The following GABRB1 variants were observed in gnomAD, a reference collection of about 807,000 sequenced individuals.
GABRB1 encodes gamma-aminobutyric acid receptor subunit beta-1.
Under a neutral mutation model 51.6 loss-of-function variants are expected in GABRB1, and 17 were observed. The observed-to-expected ratio is 0.33, with a 90% CI of 0.23 to 0.49. The LOEUF (loss-of-function observed/expected upper bound fraction) is 0.49. GABRB1 is among the 20% of genes least tolerant of loss of function. GABRB1 has a pLI of 0.99. For missense variants in GABRB1, 410 were observed against 600.6 expected, an observed-to-expected ratio of 0.68 and a Z score of 3.32; for synonymous variants, 247 against 218.9, an observed-to-expected ratio of 1.13 and a Z score of -1.14.
At chr4:47,171,191 CA>C (rs568951547) in intron 4 of GABRB1, among the ~76,000 whole-genome samples, 6 of 148,888 alleles carry the variant, frequency 4.0e-5, no homozygotes, top group Non-Finnish European at 7.4e-5. Context: ...AAACAGTAAC[CA>C]AAAAAATAAG....
At chr4:47,368,894 G>A (rs1270986673) in intron 5 of GABRB1, among the ~76,000 whole-genome samples, 2 of 152,082 alleles carry the variant, frequency 1.3e-5, no homozygotes, top group Non-Finnish European at 2.9e-5. Context: ...GATCTCTTGA[G>A]GTCAGGAGTT....
chr4:47,006,741 T>C (rs890883848), intron 1 of GABRB1, among the ~76,000 whole-genome samples: 8 of 152,314 alleles, frequency 5.3e-5, no homozygotes, highest in African/African-American at 1.9e-4. Flanking sequence ...ACAAGTGAGA[T>C]TAAGTGAGAC....
chr4:47,078,990 G>A (rs942144066), intron 3 of GABRB1, among the ~76,000 whole-genome samples: 9 of 152,180 alleles, frequency 5.9e-5, no homozygotes, highest in African/African-American at 2.2e-4. Flanking sequence ...TAAGCTTTTT[G>A]ATGTGCTGCT....
At chr4:47,406,644 T>C (rs1728579016) in intron 7 of GABRB1, 38 bp from the exon 8 acceptor site, 2 of 1,611,996 alleles carry the variant, frequency 1.2e-6, no homozygotes, top group African/African-American at 1.3e-5. Context: ...AACTTAATAG[T>C]GGCACCTTCA....
intron 3 of GABRB1, among the ~76,000 whole-genome samples, chr4:47,053,594 A>G (rs951870373): frequency 1.6e-4 from 24 of 152,236 alleles, no homozygotes; most frequent in African/African-American, 5.8e-4. Context: ...ATTCAGCTAT[A>G]GCAGTCTTTG....
intron 3 of GABRB1, among the ~76,000 whole-genome samples, chr4:47,126,499 T>A (rs535049347): frequency 3.6e-4 from 55 of 152,278 alleles, no homozygotes; most frequent in African/African-American, 1.2e-3. Flanking sequence ...ACAATGTATG[T>A]GTATTTTAAG....
intron 4 of GABRB1, among the ~76,000 whole-genome samples, chr4:47,235,340 A>G (rs767974206): frequency 6.6e-6 from 1 of 152,212 alleles, no homozygotes; most frequent in Non-Finnish European, 1.5e-5. Flanking sequence ...TCACGAGGTC[A>G]GAAGTTGAAG....
intron 3 of GABRB1, among the ~76,000 whole-genome samples, chr4:47,049,171 C>A (rs573400673): frequency 4.6e-5 from 7 of 151,934 alleles, no homozygotes; most frequent in African/African-American, 1.7e-4. Flanking sequence ...AAGGAGGAAA[C>A]ACAATAGTTT....
At chr4:47,368,502 G>A (rs533315463) in intron 5 of GABRB1, among the ~76,000 whole-genome samples, 1 of 152,226 alleles carries the variant, frequency 6.6e-6, no homozygotes, top group South Asian at 2.1e-4. Context: ...CCATGCACAG[G>A]ATAGCTCCTC....
rs75981213 is a variant in GABRB1 at position 47,207,151 on chromosome 4, T to A, written c.461+45682T>A. Among the ~76,000 whole-genome samples, 60 of 152,090 alleles carry A rather than the reference T, an allele frequency of 3.9e-4. No homozygotes were observed. The East Asian group carries it at 0.011, about 27-fold the overall frequency. ...TCAATTATTTAACAGGACATTTAAC[T>A]TGTAGTATCACAGCACAATTTGCAC... On this transcript the variant is annotated intron_variant, in intron 4 of 8. Transcript: ENST00000295454.
intron 5 of GABRB1, among the ~76,000 whole-genome samples, chr4:47,372,990 T>G (rs1191003402): frequency 2.6e-5 from 4 of 152,168 alleles, no homozygotes; most frequent in Non-Finnish European, 5.9e-5. Context: ...GCCCTGCAGG[T>G]AGCCAGCCCT....
chr4:47,187,796 A>G (rs796305346), intron 4 of GABRB1, among the ~76,000 whole-genome samples: 1 of 151,854 alleles, frequency 6.6e-6, no homozygotes, highest in Admixed American at 6.6e-5. Flanking sequence ...CCCTTTTATC[A>G]CTTCAATCCA....
At chr4:47,219,234 A>G (rs1290176458) in intron 4 of GABRB1, among the ~76,000 whole-genome samples, 3 of 151,878 alleles carry the variant, frequency 2.0e-5, no homozygotes, top group African/African-American at 7.2e-5. Context: ...ATCTGATGAT[A>G]TATTAAAGTT....
intron 3 of GABRB1, among the ~76,000 whole-genome samples, chr4:47,082,159 A>C (rs989877849): frequency 6.6e-6 from 1 of 152,146 alleles, no homozygotes; most frequent in African/African-American, 2.4e-5. Flanking sequence ...GTAAGAGTTG[A>C]GGGTCCCCTG....
chr4:47,397,088 C>A (rs1418142290), intron 5 of GABRB1, among the ~76,000 whole-genome samples: 1 of 151,880 alleles, frequency 6.6e-6, no homozygotes, highest in Non-Finnish European at 1.5e-5. Context: ...TTTTTTGTCT[C>A]TTATTTACTT....
At position 47,031,873 on chromosome 4, in the gene GABRB1, T is replaced by C. The variant is rs767850083; in HGVS notation, c.81-41T>C. On this transcript the variant is annotated intron_variant, in intron 1 of 8. Transcript: ENST00000295454. ...GTATCTTTTTATATGTGCTCACAGT[T>C]TGTGCTCATTTTGAATACGGTCCCT... 6 of 1,572,640 alleles carry C rather than the reference T, an allele frequency of 3.8e-6. No individual in the cohort carries two copies. In the South Asian group the frequency reaches 6.7e-5, roughly 17 times the overall value.
intron 5 of GABRB1, among the ~76,000 whole-genome samples, chr4:47,348,611 GT>G (rs1198824806): frequency 1.3e-5 from 2 of 152,118 alleles, no homozygotes; most frequent in African/African-American, 4.8e-5. Context: ...AACACTTCTG[GT>G]TCCAAACAAT....
In GABRB1 at chr4:47,224,999, A is replaced by G. The variant is rs556275163; in HGVS notation, c.461+63530A>G. Reference sequence around the variant, plus strand: ...AACCTCCACCTCTCGGATTCAAGCAATTCTCCTGCCTCAGCCTCCCGAGTA... The same window carrying G: ...AACCTCCACCTCTCGGATTCAAGCAGTTCTCCTGCCTCAGCCTCCCGAGTA... On this transcript the variant is annotated intron_variant, in intron 4 of 8. Coordinates refer to ENST00000295454, the MANE Select transcript of GABRB1 (RefSeq NM_000812.4). Among the ~76,000 whole-genome samples the G allele has an allele frequency of 5.3e-5, 8 of 152,176 alleles. No individual in the cohort carries two copies. In the South Asian group the frequency reaches 1.7e-3, roughly 32 times the overall value.
intron 4 of GABRB1, among the ~76,000 whole-genome samples, chr4:47,196,889 G>T (rs1577992926): frequency 6.6e-6 from 1 of 152,154 alleles, no homozygotes; most frequent in African/African-American, 2.4e-5. Context: ...TTACTTTCTT[G>T]TCTGTCGCAT....
Sources: gnomAD v4.1 joint callset for allele counts (sites outside exome capture counted in the v4.1 genomes callset) on GRCh38, gnomAD v4.1.1 for gene constraint, MANE v1.5 for transcripts, NCBI Gene and HGNC (gene_info 2026-07-23, HGNC 2026-07-21) for gene names.